PHF10: variants seen among roughly 807,000 people sequenced by gnomAD.
The protein encoded by PHF10 is BRG1-associated factor 45a.
Under a neutral mutation model 68.5 loss-of-function variants are expected in PHF10, and 51 were observed. The observed-to-expected ratio is 0.74, with a 90% CI of 0.59 to 0.94. The LOEUF is 0.94. Among genes scored for constraint, PHF10 ranks in the 40% least tolerant of loss-of-function variants. The pLI is 0.00. For synonymous variants in PHF10, 204 were observed against 203.5 expected (o/e 1.00, Z -0.02); for missense variants, 460 against 602.6 (o/e 0.76, Z 2.48).
Position 169,705,518 on chromosome 6 carries a change from G to A in PHF10, c.1222+98C>T, listed in dbSNP as rs1041387078. 6 of 790,896 alleles carry A rather than the reference G, an allele frequency of 7.6e-6. No homozygotes were observed. The East Asian group carries it at 1.2e-4, about 16-fold the overall frequency. 49.0% of individuals were successfully genotyped at this position (790,896 alleles called of 1,614,324 possible). On this transcript the variant is annotated intron_variant, in intron 10 of 11. Coordinates refer to ENST00000339209, the MANE Select transcript of PHF10 (RefSeq NM_018288.4). The stretch of plus-strand genomic sequence containing the variant: ...CAAGCTACCCTGTGTATTTAATTTG[G>A]TGACTCTTTGGTTGAAATCTGCCTG...
rs867480034 is a variant in PHF10 at position 169,706,727 on chromosome 6, T to C, written c.1114-1003A>G. Among the ~76,000 whole-genome samples, 472 of 127,412 alleles carry C rather than the reference T, an allele frequency of 3.7e-3. 3 individuals are homozygous for C. Among genetic ancestry groups the C allele is most frequent in the African/African-American group, 5.5e-3 (193 of 35,040 alleles). 83.6% of individuals were successfully genotyped at this position (127,412 alleles called of 152,430 possible). On this transcript the variant is annotated intron_variant, in intron 9 of 11. Coordinates refer to ENST00000339209, the MANE Select transcript of PHF10 (RefSeq NM_018288.4). The stretch of plus-strand genomic sequence containing the variant: ...GGGTAAGGGGACATACATACATACA[T>C]ACACACACACACACACACACACACA...
intron 6 of PHF10, 52 bp from the exon 7 acceptor site, chr6:169,714,894 G>A (rs1285615473): frequency 2.1e-6 from 2 of 960,572 alleles, no homozygotes; most frequent in South Asian, 2.6e-5. Flanking sequence ...AAGAATCAAG[G>A]CTTTAGGAAG....
intron 3 of PHF10, 92 bp from the exon 4 acceptor site, chr6:169,717,998 G>T: frequency 1.8e-6 from 1 of 554,014 alleles, no homozygotes; most frequent in Non-Finnish European, 3.3e-6. Flanking sequence ...ACTTTTTAAA[G>T]TATTCATATT....
At chr6:169,720,269 T>A (rs1040505123) in intron 2 of PHF10, among the ~76,000 whole-genome samples, 7 of 152,158 alleles carry the variant, frequency 4.6e-5, no homozygotes, top group African/African-American at 1.7e-4. Flanking sequence ...TCTCAAAAAA[T>A]TAAACATAGG....
chr6:169,708,851 TAGC>T (rs1337344750), intron 9 of PHF10: 1 of 152,202 alleles, frequency 6.6e-6, no homozygotes, highest in African/African-American at 2.4e-5. Context: ...TTAAAGCTCT[TAGC>T]AGACCAGTAG....
intron 4 of PHF10, 55 bp from the exon 5 acceptor site, chr6:169,716,143 C>CA: frequency 8.1e-7 from 1 of 1,229,540 alleles, no homozygotes; most frequent in Non-Finnish European, 1.1e-6. Context: ...GATAAGTGAA[C>CA]AAAAGCACTC....
intron 1 of PHF10, among the ~76,000 whole-genome samples, chr6:169,723,567 G>A (rs1789236354): frequency 6.6e-6 from 1 of 152,174 alleles, no homozygotes; most frequent in African/African-American, 2.4e-5. Context: ...GGCTGGCCTA[G>A]GAGGAGGCGT....
chr6:169,723,907 C>A lies in PHF10; in HGVS notation c.25G>T (p.Ala9Ser). ...TCGCACGGCCGCGGGGACAGCGCAG[C>A]CCCGGGCCCGGCCGCCGCCGCCATC... MAAAAGPGAALSPRPCDSD... is the reference protein window; with the variant it reads MAAAAGPGSALSPRPCDSD... The change falls in exon 1 of 12, where the codon GCT (alanine) becomes TCT (serine). Residue 9 changes from alanine (A) to serine (S), a missense_variant. This residue lies in a region of PHF10 where 93 missense variants were observed against 82.4 expected (regional missense o/e 1.13). Transcript: ENST00000339209. The A allele has an allele frequency of 9.4e-7, 1 of 1,063,814 alleles. No homozygotes were observed. 65.9% of individuals were successfully genotyped at this position (1,063,814 alleles called of 1,614,324 possible).
At chr6:169,717,955 A>G (rs920160831) in intron 3 of PHF10, 49 bp from the exon 4 acceptor site, 1 of 801,194 alleles carries the variant, frequency 1.2e-6, no homozygotes, top group Middle Eastern at 2.7e-4. Context: ...AACCTTATGC[A>G]CTTGTAAAAC....
In PHF10 at chr6:169,721,148, A is replaced by G. The variant is rs1434512894; in HGVS notation, c.88-37T>C. The G allele has an allele frequency of 3.6e-6, 4 of 1,118,824 alleles. No homozygotes were observed. The South Asian group carries it at 5.4e-5, about 15-fold the overall frequency. The allele number at this position is 1,118,824 out of a possible 1,614,324, so 69.3% of individuals were successfully genotyped here. A position where few individuals can be genotyped will look rare whatever the true frequency, so the allele number is the denominator to read the frequency against. On this transcript the variant is annotated intron_variant, in intron 1 of 11. Transcript: ENST00000339209. Reference sequence around the variant, plus strand: ...AAAGATTCAAAAATAATAATTAGAGAAAGAATAAAAGAACAGTAAGTCTCA... The same window carrying G: ...AAAGATTCAAAAATAATAATTAGAGGAAGAATAAAAGAACAGTAAGTCTCA...
At chr6:169,712,871 G>A (rs757145084) in intron 7 of PHF10, among the ~76,000 whole-genome samples, 70 of 152,094 alleles carry the variant, frequency 4.6e-4, no homozygotes, top group Non-Finnish European at 6.9e-4. Context: ...CACTGTCCCA[G>A]GTCTTTGCTA....
intron 9 of PHF10, chr6:169,707,035 A>G (rs1788816488): frequency 6.6e-6 from 1 of 152,236 alleles, no homozygotes; most frequent in Non-Finnish European, 1.5e-5. Flanking sequence ...GCATTCAAAA[A>G]GAATTTTTGG....
intron 2 of PHF10, 57 bp downstream of exon 2, chr6:169,720,948 T>A: frequency 1.2e-6 from 1 of 861,800 alleles, no homozygotes; most frequent in South Asian, 1.5e-5. Flanking sequence ...GGGAAGAGGA[T>A]GTTAAGGCAA....
chr6:169,714,064 T>C (rs1788988499), intron 7 of PHF10, among the ~76,000 whole-genome samples: 1 of 151,170 alleles, frequency 6.6e-6, no homozygotes, highest in African/African-American at 2.4e-5. Flanking sequence ...GAGGTTGCAG[T>C]GAGCCGAAAT....
intron 8 of PHF10, among the ~76,000 whole-genome samples, chr6:169,711,096 A>G (rs1788917842): frequency 6.6e-6 from 1 of 152,214 alleles, no homozygotes; most frequent in Admixed American, 6.5e-5. Context: ...CACTGACTAG[A>G]AACATGAATG....
intron 4 of PHF10, among the ~76,000 whole-genome samples, chr6:169,717,156 G>A (rs1325659452): frequency 1.3e-5 from 2 of 152,094 alleles, no homozygotes; most frequent in African/African-American, 4.8e-5. Context: ...GTAGGCTGAG[G>A]GAGAATTCCT....
Position 169,712,406 on chromosome 6 carries a change from G to GT in PHF10, c.936dup (p.Arg313ThrfsTer4). Reference sequence around the variant, plus strand: ...CTCACCGAAGTGCCTTTATTTTTCCGTTTCTCATCACCTCGACCATCTTCG... The same window carrying GT: ...CTCACCGAAGTGCCTTTATTTTTCCGTTTTCTCATCACCTCGACCATCTTCG... On this transcript the variant is annotated frameshift_variant, in exon 8 of 12. Coordinates refer to ENST00000339209, the MANE Select transcript of PHF10 (RefSeq NM_018288.4). LOFTEE classifies it high-confidence loss of function. 1 of 1,613,844 alleles carries GT rather than the reference G, an allele frequency of 6.2e-7. No homozygotes were observed. Among genetic ancestry groups the GT allele is most frequent in the Non-Finnish European group, 8.5e-7 (1 of 1,179,864 alleles).
At chr6:169,717,972 A>C in intron 3 of PHF10, 66 bp from the exon 4 acceptor site, 1 of 690,214 alleles carries the variant, frequency 1.4e-6, no homozygotes, top group Non-Finnish European at 2.4e-6. Flanking sequence ...AAACTTTTAA[A>C]AGCTTAAAAA....
chr6:169,715,276 G>T (rs946553524), intron 6 of PHF10, among the ~76,000 whole-genome samples: 1 of 152,066 alleles, frequency 6.6e-6, no homozygotes, highest in Non-Finnish European at 1.5e-5. Context: ...TAAAGCAAAA[G>T]ACATCTCACA....
Sources: gnomAD v4.1 joint callset for allele counts (sites outside exome capture counted in the v4.1 genomes callset) on GRCh38, gnomAD v4.1.1 for gene constraint, gnomAD v4.1.1 regional missense constraint, MANE v1.5 for transcripts, NCBI Gene and HGNC (gene_info 2026-07-23, HGNC 2026-07-21) for gene names.